TTC29: variants seen among roughly 807,000 people sequenced by gnomAD.
TTC29 encodes the protein tetratricopeptide repeat protein 29.
TTC29 carries 49 observed loss-of-function variants against 58.1 expected under a neutral mutation model. The observed-to-expected ratio is 0.84, with a 90% CI of 0.67 to 1.07. TTC29 has a LOEUF of 1.07. Ranked by LOEUF, TTC29 falls within the 50% of genes least tolerant of loss-of-function variation. The pLI is 0.00. For missense variants in TTC29, 582 were observed against 555.6 expected (o/e 1.05, Z -0.48); for synonymous variants, 209 against 196.8 (o/e 1.06, Z -0.52).
chr4:146,711,710 C>A (rs1482926998), intron 11 of TTC29, among the ~76,000 whole-genome samples: 1 of 152,028 alleles, frequency 6.6e-6, no homozygotes, highest in African/African-American at 2.4e-5. Context: ...TATTGATAGT[C>A]ATAGATTCAA....
At chr4:146,825,245 A>G (rs74465831) in intron 9 of TTC29, among the ~76,000 whole-genome samples, 1 of 152,168 alleles carries the variant, frequency 6.6e-6, no homozygotes, top group African/African-American at 2.4e-5. Flanking sequence ...ATTTAGTTCT[A>G]TAAATTGCCC....
chr4:146,800,307 T>A (rs1205126737), intron 11 of TTC29, among the ~76,000 whole-genome samples: 2 of 152,204 alleles, frequency 1.3e-5, no homozygotes, highest in Admixed American at 1.3e-4. Context: ...TAGGGGGTCA[T>A]GTTCCTCTGC....
At chr4:146,929,446 T>C (rs1183384707) in intron 4 of TTC29, among the ~76,000 whole-genome samples, 1 of 152,018 alleles carries the variant, frequency 6.6e-6, no homozygotes, top group Non-Finnish European at 1.5e-5. Flanking sequence ...GCTTCTTCCT[T>C]ACAAATTTAA....
chr4:146,931,873 AT>A (rs1053771971), intron 4 of TTC29, among the ~76,000 whole-genome samples: 41 of 152,200 alleles, frequency 2.7e-4, no homozygotes, highest in Admixed American at 2.7e-3. Flanking sequence ...CCTAGTGAAC[AT>A]TGTTGTTTTA....
intron 11 of TTC29, among the ~76,000 whole-genome samples, chr4:146,800,466 G>C (rs1158808675): frequency 1.3e-5 from 2 of 152,168 alleles, no homozygotes; most frequent in Non-Finnish European, 1.5e-5. Context: ...TCAATGGCAA[G>C]ATTAAAGATG....
rs138606694 is a variant in TTC29 at position 146,860,654 on chromosome 4, C to T, written c.885+6844G>A. On this transcript the variant is annotated intron_variant, in intron 8 of 12. Coordinates refer to ENST00000325106, the MANE Select transcript of TTC29 (RefSeq NM_031956.4). ...AACAGCACGAGATTTCATTGTGCTA[C>T]GCAGAATGGTGCATAATTGAAAACT... Among the ~76,000 whole-genome samples, 891 of 152,262 alleles carry T rather than the reference C, an allele frequency of 5.9e-3. 6 individuals are homozygous for T. Among genetic ancestry groups the T allele is most frequent in the African/African-American group, 0.02 (818 of 41,566 alleles).
At chr4:146,812,133 T>C (rs1751067142) in intron 10 of TTC29, among the ~76,000 whole-genome samples, 1 of 152,140 alleles carries the variant, frequency 6.6e-6, no homozygotes, top group Non-Finnish European at 1.5e-5. Flanking sequence ...TTGAAGATGA[T>C]GAAAATAAAT....
At chr4:146,781,502 G>A (rs570357445) in intron 11 of TTC29, among the ~76,000 whole-genome samples, 7 of 151,948 alleles carry the variant, frequency 4.6e-5, no homozygotes, top group East Asian at 3.9e-4. Flanking sequence ...ATTTTATAGT[G>A]TAAGATTAAA....
intron 7 of TTC29, among the ~76,000 whole-genome samples, chr4:146,872,262 TA>T (rs1305953433): frequency 6.6e-6 from 1 of 151,980 alleles, no homozygotes; most frequent in Non-Finnish European, 1.5e-5. Context: ...AAATAGATGA[TA>T]AGATTAAATA....
intron 6 of TTC29, 112 bp downstream of exon 6, chr4:146,903,432 T>A (rs1733290346): frequency 1.0e-6 from 1 of 969,828 alleles, no homozygotes; most frequent in Non-Finnish European, 1.5e-6. Context: ...ATAATATACA[T>A]GATTATGCTG....
intron 4 of TTC29, among the ~76,000 whole-genome samples, chr4:146,923,299 CATT>C (rs1333769032): frequency 1.3e-5 from 2 of 151,680 alleles, no homozygotes; most frequent in Non-Finnish European, 3.0e-5. Flanking sequence ...AGCTCAATAT[CATT>C]ATTATTTAGA....
At chr4:146,757,247 C>G (rs1283103799) in intron 11 of TTC29, among the ~76,000 whole-genome samples, 1 of 151,768 alleles carries the variant, frequency 6.6e-6, no homozygotes, top group African/African-American at 2.4e-5. Flanking sequence ...GTAGTACTCT[C>G]CCCCTTTTCC....
chr4:146,811,302 T>C (rs536681331), intron 10 of TTC29, among the ~76,000 whole-genome samples: 1 of 152,324 alleles, frequency 6.6e-6, no homozygotes, highest in South Asian at 2.1e-4. Flanking sequence ...ATATTATTCT[T>C]ATTTTACAGA....
chr4:146,798,651 G>A (rs1172919669), intron 11 of TTC29, among the ~76,000 whole-genome samples: 1 of 151,848 alleles, frequency 6.6e-6, no homozygotes, highest in South Asian at 2.1e-4. Context: ...AGCACTTTGG[G>A]AGGCCGAGGC....
At chr4:146,882,537 T>C (rs1731701102) in intron 6 of TTC29, among the ~76,000 whole-genome samples, 2 of 152,018 alleles carry the variant, frequency 1.3e-5, no homozygotes, top group African/African-American at 4.8e-5. Context: ...TATAAACATC[T>C]GAGGATAAAT....
At chr4:146,934,399 T>C (rs1580014548) in intron 4 of TTC29, 1 of 152,152 alleles carries the variant, frequency 6.6e-6, no homozygotes, top group Non-Finnish European at 1.5e-5. Flanking sequence ...GGGACGAATA[T>C]TGGGGATAAG....
chr4:146,764,686 G>A (rs942703392), intron 11 of TTC29, among the ~76,000 whole-genome samples: 4 of 151,966 alleles, frequency 2.6e-5, no homozygotes, highest in East Asian at 3.9e-4. Context: ...TGTACTTGAC[G>A]TTTTACCTGC....
intron 4 of TTC29, among the ~76,000 whole-genome samples, chr4:146,911,452 G>C (rs1733892912): frequency 6.6e-6 from 1 of 152,200 alleles, no homozygotes; most frequent in African/African-American, 2.4e-5. Context: ...ATAGAACAAA[G>C]ACGGATCAAG....
chr4:146,791,790 A>G (rs1357431069), intron 11 of TTC29, among the ~76,000 whole-genome samples: 1 of 152,216 alleles, frequency 6.6e-6, no homozygotes, highest in Non-Finnish European at 1.5e-5. Flanking sequence ...AAGAAATTAA[A>G]ATGCTACTCC....
Sources: gnomAD v4.1 joint callset for allele counts (sites outside exome capture counted in the v4.1 genomes callset) on GRCh38, gnomAD v4.1.1 for gene constraint, MANE v1.5 for transcripts, NCBI Gene and HGNC (gene_info 2026-07-23, HGNC 2026-07-21) for gene names.